CLTB: variants seen among roughly 807,000 people sequenced by gnomAD.
The protein encoded by CLTB is clathrin, light chain (Lcb).
In CLTB, 10 loss-of-function variants were observed where a neutral mutation model predicts 30.5. The ratio of observed to expected loss-of-function variants is 0.33; its 90% confidence interval spans 0.20 to 0.56. The LOEUF (loss-of-function observed/expected upper bound fraction) is 0.56, where lower values mean the gene tolerates loss of function less well. Ranked by LOEUF, CLTB falls within the 20% of genes least tolerant of loss-of-function variation. The pLI, the probability that CLTB is intolerant of heterozygous loss-of-function variation, is 0.91. For synonymous variants in CLTB, 102 were observed against 120.3 expected (o/e 0.85, Z 1.00); for missense variants, 261 against 308.3 (o/e 0.85, Z 1.15).
chr5:176,399,054 G>C (rs1222636734), intron 2 of CLTB, among the ~76,000 whole-genome samples: 1 of 152,084 alleles, frequency 6.6e-6, no homozygotes, highest in East Asian at 1.9e-4. Flanking sequence ...ATGTTGGTCA[G>C]GCTGATCTCG....
At chr5:176,405,325 TA>T (rs993635622) in intron 2 of CLTB, among the ~76,000 whole-genome samples, 47 of 151,480 alleles carry the variant, frequency 3.1e-4, no homozygotes, top group African/African-American at 1.1e-3. Context: ...CACATCTCCA[TA>T]AAAAAATTAA....
Position 176,397,998 on chromosome 5 carries a change from C to T in CLTB, c.284G>A (p.Arg95Lys). ...DGYAAIAQAD[R>K]LTQEPESIRK... ...GATGCTCTCAGGCTCCTGGGTCAGC[C>T]TGTCAGCCTGGGCAATGGCTGCGTA... Residue 95 changes from arginine to lysine, a missense_variant, in exon 3 of 6, where the codon AGG (arginine) becomes AAG (lysine). By Grantham distance (26) the Arg-to-Lys change is conservative (BLOSUM62 2). Around this residue, in one of 3 missense-constraint regions of CLTB, gnomAD observed 123 missense variants for 157.0 expected, o/e 0.78. Transcript: ENST00000310418. 1 of 1,614,148 alleles carries T rather than the reference C, an allele frequency of 6.2e-7. No homozygotes were observed. Among genetic ancestry groups the T allele is most frequent in the Non-Finnish European group, 8.5e-7 (1 of 1,180,050 alleles).
intron 1 of CLTB, among the ~76,000 whole-genome samples, chr5:176,414,649 C>T (rs1426996114): frequency 6.6e-6 from 1 of 152,072 alleles, no homozygotes; most frequent in East Asian, 1.9e-4. Flanking sequence ...CACCATGTTG[C>T]CCAGGCTCCA....
intron 5 of CLTB, 93 bp downstream of exon 5, chr5:176,396,386 A>C: frequency 8.6e-7 from 1 of 1,158,366 alleles, no homozygotes; most frequent in Non-Finnish European, 1.3e-6. Context: ...GCCCAGCCAC[A>C]CTCATTTATA....
intron 1 of CLTB, among the ~76,000 whole-genome samples, chr5:176,413,234 C>G (rs1678621702): frequency 6.6e-6 from 1 of 152,174 alleles, no homozygotes; most frequent in Non-Finnish European, 1.5e-5. Flanking sequence ...CAGGGATAAA[C>G]CCCTGAGGGT....
At chr5:176,406,304 C>G in intron 2 of CLTB, 1 of 1,054,240 alleles carries the variant, frequency 9.5e-7, no homozygotes, top group East Asian at 1.0e-4. Context: ...CAGGAGGCGA[C>G]AGTCAGGGCC....
In CLTB at chr5:176,392,756, C is replaced by T. The variant is rs1215111316; in HGVS notation, c.*18G>A. 1.2e-6 allele frequency: 2 copies of T among 1,613,152 alleles called. No individual in the cohort carries two copies. ...CCAGGCCCAGCCCATGCTCTGTGGC[C>T]ATGCACCTAGCAGGCACCTAGCGGG... is the stretch of plus-strand genomic sequence containing the variant. On this transcript the variant is annotated 3_prime_UTR_variant, in exon 6 of 6. Transcript: ENST00000310418. This position sits in a 1 kb window ranked among gnomAD's most constrained non-coding sequence, Gnocchi z 5.2.
At chr5:176,396,280 A>G (rs1266084962) in intron 5 of CLTB, among the ~76,000 whole-genome samples, 199 bp downstream of exon 5, 4 of 152,112 alleles carry the variant, frequency 2.6e-5, no homozygotes, top group Non-Finnish European at 5.9e-5. Context: ...CAAGGCTCTG[A>G]TTTAGCCAAG....
rs969820125 is a variant in CLTB, at chr5:176,393,179, TC to T, written c.519-235del. On this transcript the variant is annotated intron_variant, in intron 5 of 5. Transcript: ENST00000310418. The surrounding 1 kb of genome is among the most constrained non-coding windows in gnomAD (Gnocchi z 4.4). ...TGGAACACGCTTCTCCCAGACCTGT[TC>T]CTGGCTTGCTGCTTCTTGTCATTCA... Among the ~76,000 whole-genome samples, 19 of 152,196 alleles carry T rather than the reference TC, an allele frequency of 1.2e-4. No homozygotes were observed. The highest frequency in any genetic ancestry group is 3.9e-4 in the African/African-American group (16 of 41,514).
intron 2 of CLTB, among the ~76,000 whole-genome samples, chr5:176,404,319 C>T (rs187872211): frequency 6.6e-6 from 1 of 152,384 alleles, no homozygotes; most frequent in East Asian, 1.9e-4. Context: ...GACGCACCCC[C>T]ACACACCACC....
At chr5:176,396,322 G>A (rs948102983) in intron 5 of CLTB, among the ~76,000 whole-genome samples, 157 bp downstream of exon 5, 1 of 152,122 alleles carries the variant, frequency 6.6e-6, no homozygotes, top group African/African-American at 2.4e-5. Flanking sequence ...GAGGGAGGTG[G>A]TTGCTGCCTG....
Position 176,392,534 on chromosome 5 carries a change from T to A in CLTB, c.*240A>T. On this transcript the variant is annotated 3_prime_UTR_variant, in exon 6 of 6. Transcript: ENST00000310418. This position sits in a 1 kb window ranked among gnomAD's most constrained non-coding sequence, Gnocchi z 5.2. ...ACACCCTTTAAGCCAAGAAAAAAAA[T>A]ACATCAGGAGGGACAGTCACAATTG... 2.0e-6 allele frequency: 1 copy of A among 508,670 alleles called. No homozygotes were observed. The highest frequency in any genetic ancestry group is 3.5e-6 in the Non-Finnish European group (1 of 285,480). The allele number at this position is 508,670 out of a possible 1,614,324, so 31.5% of individuals were successfully genotyped here.
chr5:176,409,105 T>A (rs1268334059), intron 2 of CLTB, among the ~76,000 whole-genome samples: 2 of 152,010 alleles, frequency 1.3e-5, no homozygotes, highest in Non-Finnish European at 2.9e-5. Flanking sequence ...GCCTCCCAAG[T>A]AGTTAGGATT....
At chr5:176,402,212 G>C (rs773244340) in intron 2 of CLTB, among the ~76,000 whole-genome samples, 2 of 152,162 alleles carry the variant, frequency 1.3e-5, no homozygotes, top group Admixed American at 6.5e-5. Context: ...TGAGGCAGGA[G>C]AATTGAACCC....
At chr5:176,400,083 C>T (rs1322919165) in intron 2 of CLTB, among the ~76,000 whole-genome samples, 4 of 150,800 alleles carry the variant, frequency 2.7e-5, no homozygotes, top group Admixed American at 6.6e-5. Context: ...CCCACCTACT[C>T]GGGAGGCTGA....
At chr5:176,415,016 A>G (rs1289758081) in intron 1 of CLTB, among the ~76,000 whole-genome samples, 1 of 152,164 alleles carries the variant, frequency 6.6e-6, no homozygotes, top group Non-Finnish European at 1.5e-5. Flanking sequence ...AGGCCCATAA[A>G]CCTTTCCAAA....
intron 1 of CLTB, among the ~76,000 whole-genome samples, chr5:176,411,456 C>T (rs1227929012): frequency 6.6e-6 from 1 of 152,242 alleles, no homozygotes; most frequent in Non-Finnish European, 1.5e-5. Flanking sequence ...CCCTCACTCC[C>T]TTCAGCTTCT....
chr5:176,396,449 C>A, intron 5 of CLTB, 30 bp downstream of exon 5: 1 of 1,595,164 alleles, frequency 6.3e-7, no homozygotes, highest in South Asian at 1.1e-5. Context: ...TCTCTAGCTC[C>A]CCCAACAGAG....
At chr5:176,405,719 C>T (rs1757080130) in intron 2 of CLTB, 1 of 152,030 alleles carries the variant, frequency 6.6e-6, no homozygotes, top group African/African-American at 2.4e-5. Context: ...GGGACGAGCG[C>T]TGGACACTCC....
Sources: allele counts gnomAD v4.1 joint callset (sites outside exome capture counted in the v4.1 genomes callset), GRCh38; gene constraint gnomAD v4.1.1; regional missense constraint gnomAD v4.1.1; non-coding constraint Gnocchi (gnomAD v3.1); transcripts MANE v1.5; gene names NCBI Gene and HGNC (gene_info 2026-07-23, HGNC 2026-07-21).